SLC49A4: variants seen among roughly 807,000 people sequenced by gnomAD.
SLC49A4 encodes the protein disrupted in renal cancer protein 2.
SLC49A4 carries 36 observed loss-of-function variants against 50.6 expected under a neutral mutation model. The observed-to-expected ratio is 0.71, with a 90% confidence interval of 0.55 to 0.94. The LOEUF (loss-of-function observed/expected upper bound fraction) is 0.94. Among genes scored for constraint, SLC49A4 ranks in the 40% least tolerant of loss-of-function variants. The pLI is 0.00. For missense variants in SLC49A4, 503 were observed against 605.7 expected (o/e 0.83, Z 1.78); for synonymous variants, 248 against 241.2 (o/e 1.03, Z -0.26).
intron 7 of SLC49A4, among the ~76,000 whole-genome samples, chr3:122,862,584 G>A (rs1396213724): frequency 6.6e-6 from 1 of 152,122 alleles, no homozygotes; most frequent in Non-Finnish European, 1.5e-5. Flanking sequence ...ACATTCTGGT[G>A]GAACAGTCTT....
chr3:122,850,479 A>G (rs1404025915), intron 5 of SLC49A4, among the ~76,000 whole-genome samples: 3 of 152,052 alleles, frequency 2.0e-5, no homozygotes, highest in African/African-American at 7.2e-5. Context: ...GCAAACAGGA[A>G]AAGGATTAAA....
chr3:122,861,178 T>C (rs904191164), intron 7 of SLC49A4, among the ~76,000 whole-genome samples: 1 of 152,186 alleles, frequency 6.6e-6, no homozygotes, highest in Non-Finnish European at 1.5e-5. Flanking sequence ...GGCCAGCTGA[T>C]TAGCAACCTT....
intron 1 of SLC49A4, among the ~76,000 whole-genome samples, chr3:122,796,940 A>G (rs1936051286): frequency 6.6e-6 from 1 of 152,214 alleles, no homozygotes; most frequent in South Asian, 2.1e-4. Flanking sequence ...AGACCTCAGC[A>G]AAAGTCAAGT....
intron 3 of SLC49A4, 117 bp from the exon 4 acceptor site, chr3:122,833,200 C>G: frequency 1.0e-6 from 1 of 982,548 alleles, no homozygotes; most frequent in South Asian, 1.5e-5. Context: ...ATGTTCATGC[C>G]ACTGCATTCC....
intron 7 of SLC49A4, among the ~76,000 whole-genome samples, chr3:122,871,923 G>A (rs1011619776): frequency 6.6e-6 from 1 of 152,058 alleles, no homozygotes; most frequent in Admixed American, 6.6e-5. Context: ...TTCCAAAATT[G>A]AGGACTAATT....
intron 2 of SLC49A4, among the ~76,000 whole-genome samples, chr3:122,822,554 T>A (rs186747487): frequency 3.0e-4 from 45 of 152,336 alleles, no homozygotes; most frequent in Non-Finnish European, 5.1e-4. Context: ...AAATGACCTC[T>A]TCTTTGCTGA....
chr3:122,811,699 A>G (rs985583711), intron 2 of SLC49A4, among the ~76,000 whole-genome samples: 8 of 152,238 alleles, frequency 5.3e-5, no homozygotes, highest in African/African-American at 1.7e-4. Context: ...AGGATGCAGT[A>G]TATCATGGAA....
intron 1 of SLC49A4, among the ~76,000 whole-genome samples, chr3:122,803,631 G>T (rs367862247): frequency 6.6e-6 from 1 of 152,236 alleles, no homozygotes; most frequent in African/African-American, 2.4e-5. Context: ...GCTGATGGAA[G>T]TGTGGAGCCA....
At chr3:122,857,353 A>T (rs1163016538) in intron 6 of SLC49A4, among the ~76,000 whole-genome samples, 2 of 151,860 alleles carry the variant, frequency 1.3e-5, no homozygotes, top group African/African-American at 4.8e-5. Flanking sequence ...CTATAAAACT[A>T]TTCTTGGTAT....
rs1429500167 is a variant in SLC49A4 at position 122,870,457 on chromosome 3, C to T, written c.1139-1958C>T. The stretch of plus-strand genomic sequence containing the variant: ...GTCTCGAACTCCTGGGCTCAAGCAG[C>T]CCTGCCTCAGCCTCCCAAAGGGATT... On this transcript the variant is annotated intron_variant, in intron 7 of 8. Coordinates refer to ENST00000261038, the MANE Select transcript of SLC49A4 (RefSeq NM_032839.3). Among the ~76,000 whole-genome samples the T allele has an allele frequency of 4.0e-5, 6 of 151,620 alleles. No individual in the cohort carries two copies. The East Asian group carries it at 1.2e-3, about 30-fold the overall frequency.
chr3:122,879,244 AT>A lies in SLC49A4; in HGVS notation c.1322-18del. 1 of 1,578,780 alleles carries A rather than the reference AT, an allele frequency of 6.3e-7. No homozygotes were observed. The highest frequency in any genetic ancestry group is 8.7e-7 in the Non-Finnish European group (1 of 1,148,094). ...GTGATACATGAATGTTTAAAACTGC[AT>A]GTTTTTTTGTCTTACAGAGTTGTCT... is the stretch of plus-strand genomic sequence containing the variant. On this transcript the variant is annotated intron_variant, in intron 8 of 8. Transcript: ENST00000261038.
At position 122,872,311 on chromosome 3, in the gene SLC49A4, G is replaced by T. The variant is rs1937205742; in HGVS notation, c.1139-104G>T. The T allele has an allele frequency of 7.1e-6, 7 of 986,762 alleles. No individual in the cohort carries two copies. The Admixed American group carries it at 1.5e-4, about 21-fold the overall frequency. The allele number at this position is 986,762 out of a possible 1,614,324, so 61.1% of individuals were successfully genotyped here. On this transcript the variant is annotated intron_variant, in intron 7 of 8. Coordinates refer to ENST00000261038, the MANE Select transcript of SLC49A4 (RefSeq NM_032839.3). ...CTTTATCAACTACCTTTGAAAAGAAGAAATTTTTGAGTCAATACTTAGGAA... is the reference window on the plus strand; with the variant it reads ...CTTTATCAACTACCTTTGAAAAGAATAAATTTTTGAGTCAATACTTAGGAA...
intron 2 of SLC49A4, among the ~76,000 whole-genome samples, chr3:122,824,920 G>C (rs1936505882): frequency 6.6e-6 from 1 of 151,342 alleles, no homozygotes; most frequent in African/African-American, 2.4e-5. Context: ...TTTAGAGGAG[G>C]TGGGGTTTTG....
intron 1 of SLC49A4, among the ~76,000 whole-genome samples, chr3:122,805,675 A>C (rs994613603): frequency 2.0e-5 from 3 of 152,226 alleles, no homozygotes; most frequent in Non-Finnish European, 2.9e-5. Context: ...AAACAGTAAG[A>C]TATGTTAATT....
intron 2 of SLC49A4, among the ~76,000 whole-genome samples, chr3:122,826,335 G>A (rs1936527900): frequency 6.6e-6 from 1 of 152,208 alleles, no homozygotes; most frequent in African/African-American, 2.4e-5. Flanking sequence ...ATGAGTGGCA[G>A]TCTAGTAGAA....
chr3:122,821,106 A>G (rs574069924), intron 2 of SLC49A4, among the ~76,000 whole-genome samples: 1 of 152,328 alleles, frequency 6.6e-6, no homozygotes, highest in African/African-American at 2.4e-5. Context: ...GCCTGCCGCC[A>G]TGTAAGGCAT....
chr3:122,820,192 T>C (rs185047122), intron 2 of SLC49A4, among the ~76,000 whole-genome samples: 13 of 152,334 alleles, frequency 8.5e-5, no homozygotes, highest in African/African-American at 2.9e-4. Context: ...TTTTTTATTA[T>C]TAACAGAGAA....
intron 3 of SLC49A4, among the ~76,000 whole-genome samples, chr3:122,829,157 G>A (rs528987953): frequency 6.6e-6 from 1 of 152,310 alleles, no homozygotes; most frequent in East Asian, 1.9e-4. Flanking sequence ...AATCTCAGAT[G>A]AGTATAAACA....
In SLC49A4 at chr3:122,833,466, C is replaced by T. The variant is rs1009895899; in HGVS notation, c.833+20C>T. ...ATTAAGGTAAATATACTGAGAGTCACTGGATGGCTTTGACTGACACCTTCA... is the reference window on the plus strand; with the variant it reads ...ATTAAGGTAAATATACTGAGAGTCATTGGATGGCTTTGACTGACACCTTCA... On this transcript the variant is annotated intron_variant, in intron 4 of 8. Transcript: ENST00000261038. 1.5e-5 allele frequency: 24 copies of T among 1,604,822 alleles called. No individual in the cohort carries two copies. The highest frequency in any genetic ancestry group is 6.7e-5 in the East Asian group (3 of 44,710).
Sources: allele counts gnomAD v4.1 joint callset (sites outside exome capture counted in the v4.1 genomes callset), GRCh38; gene constraint gnomAD v4.1.1; transcripts MANE v1.5; gene names NCBI Gene and HGNC (gene_info 2026-07-23, HGNC 2026-07-21).